Variants in FRMD3 observed in about 807,000 individuals in gnomAD.
The protein encoded by FRMD3 is FERM domain containing 3.
A neutral mutation model predicts 70.2 loss-of-function variants in FRMD3; 33 were observed. The observed-to-expected ratio is 0.47, with a 90% CI of 0.36 to 0.63. The LOEUF (loss-of-function observed/expected upper bound fraction) is 0.63. Ranked by LOEUF, FRMD3 falls within the 20% of genes least tolerant of loss-of-function variation. FRMD3 has a pLI of 0.00. For synonymous variants in FRMD3, 279 were observed against 255.9 expected (o/e 1.09, Z -0.86); for missense variants, 632 against 711.4 (o/e 0.89, Z 1.27).
intron 6 of FRMD3, among the ~76,000 whole-genome samples, chr9:83,323,535 T>C (rs1168471578): frequency 1.3e-5 from 2 of 152,220 alleles, no homozygotes; most frequent in Admixed American, 6.5e-5. Context: ...TATATTCAGT[T>C]TGCCGTGCTC....
chr9:83,560,230 G>A, the FRMD3 span, among the ~76,000 whole-genome samples: 5 of 152,192 alleles, frequency 3.3e-5, no homozygotes, highest in African/African-American at 1.2e-4. Context: ...TCCCTGCCCT[G>A]TTGATGTTGG....
chr9:83,354,860 G>T (rs1031490060), intron 3 of FRMD3, among the ~76,000 whole-genome samples: 1 of 152,176 alleles, frequency 6.6e-6, no homozygotes. Flanking sequence ...AACCCATGAA[G>T]TACGTGCAAT....
In FRMD3 at chr9:83,372,903, T is replaced by C. The variant is rs746829894; in HGVS notation, c.295+10A>G. 1 of 1,608,940 alleles carries C rather than the reference T, an allele frequency of 6.2e-7. No individual in the cohort carries two copies. Among genetic ancestry groups the C allele is most frequent in the South Asian group, 1.1e-5 (1 of 90,966 alleles). ...TTGTAGCAAAAGTAAAGTCACAGAT[T>C]GACACTTACTTTTCATTTGCTTGAA... is the stretch of plus-strand genomic sequence containing the variant. On this transcript the variant is annotated intron_variant, in intron 3 of 13. Coordinates refer to ENST00000304195, the MANE Select transcript of FRMD3 (RefSeq NM_174938.6).
intron 13 of FRMD3, chr9:83,267,301 T>C (rs1420819145): frequency 1.2e-5 from 17 of 1,449,098 alleles, no homozygotes; most frequent in African/African-American, 2.8e-5. Context: ...GGGATCAGCA[T>C]TGGGAGGGGA....
At chr9:83,335,216 T>C (rs1435750185) in intron 6 of FRMD3, among the ~76,000 whole-genome samples, 1 of 152,232 alleles carries the variant, frequency 6.6e-6, no homozygotes, top group Non-Finnish European at 1.5e-5. Flanking sequence ...TTATTTACCT[T>C]AGATTCCACT....
chr9:83,412,840 CA>C (rs1410626718), intron 1 of FRMD3, among the ~76,000 whole-genome samples: 3 of 151,766 alleles, frequency 2.0e-5, no homozygotes, highest in Non-Finnish European at 4.4e-5. Context: ...ACCAAAAATA[CA>C]AAAATTAGCC....
chr9:83,313,861 C>T, intron 6 of FRMD3, 114 bp from the exon 7 acceptor site: 1 of 755,592 alleles, frequency 1.3e-6, no homozygotes, highest in Non-Finnish European at 2.3e-6. Context: ...AAAACCCTTA[C>T]ATAAATAGTA....
intron 1 of FRMD3, among the ~76,000 whole-genome samples, chr9:83,522,365 A>G (rs1448238062): frequency 6.6e-6 from 1 of 152,034 alleles, no homozygotes; most frequent in African/African-American, 2.4e-5. Context: ...GGAGGCCAGA[A>G]CAGGGGCGTA....
chr9:83,323,811 A>G (rs1313876898), intron 6 of FRMD3, among the ~76,000 whole-genome samples: 1 of 152,256 alleles, frequency 6.6e-6, no homozygotes, highest in East Asian at 1.9e-4. Context: ...AGCAAAACTA[A>G]TGTGTTAAAA....
intron 1 of FRMD3, among the ~76,000 whole-genome samples, chr9:83,497,337 G>A (rs914391018): frequency 3.3e-5 from 5 of 152,174 alleles, no homozygotes; most frequent in Admixed American, 6.5e-5. Flanking sequence ...ACCACCAAAC[G>A]TTCAAAATGA....
At chr9:83,476,381 CTCAAAA>C (rs1564095126) in intron 1 of FRMD3, among the ~76,000 whole-genome samples, 4 of 109,250 alleles carry the variant, frequency 3.7e-5, no homozygotes, top group Non-Finnish European at 6.0e-5. Flanking sequence ...AAGACTCTCT[CTCAAAA>C]AAAAAAAAAA....
intron 13 of FRMD3, among the ~76,000 whole-genome samples, chr9:83,286,472 C>A (rs1362771846): frequency 1.3e-5 from 2 of 152,170 alleles, no homozygotes; most frequent in South Asian, 2.1e-4. Flanking sequence ...GCTGAGATTA[C>A]AGGCATATGC....
intron 1 of FRMD3, among the ~76,000 whole-genome samples, chr9:83,527,299 C>T (rs1419922594): frequency 6.6e-6 from 1 of 152,198 alleles, no homozygotes. Flanking sequence ...AAAACAATCT[C>T]TCGATTTGGT....
intron 1 of FRMD3, among the ~76,000 whole-genome samples, chr9:83,494,593 T>C (rs2131502455): frequency 6.6e-6 from 1 of 152,342 alleles, no homozygotes; most frequent in Non-Finnish European, 1.5e-5. Flanking sequence ...CATGTTCCTT[T>C]TAGAATGTTT....
At chr9:83,361,967 C>T (rs1824599950) in intron 3 of FRMD3, among the ~76,000 whole-genome samples, 1 of 152,230 alleles carries the variant, frequency 6.6e-6, no homozygotes, top group Non-Finnish European at 1.5e-5. Context: ...TGGTTTCAGA[C>T]TTCTGGCCTC....
intron 1 of FRMD3, among the ~76,000 whole-genome samples, chr9:83,439,178 TA>T (rs1385922900): frequency 6.6e-6 from 1 of 152,234 alleles, no homozygotes; most frequent in Non-Finnish European, 1.5e-5. Context: ...TGAACATGGT[TA>T]AATATTGTTT....
At chr9:83,346,576 A>C in intron 4 of FRMD3, among the ~76,000 whole-genome samples, 1 of 152,166 alleles carries the variant, frequency 6.6e-6, no homozygotes, top group East Asian at 1.9e-4. Flanking sequence ...TTGGGTGCAA[A>C]ATTTCCTACT....
intron 13 of FRMD3, among the ~76,000 whole-genome samples, chr9:83,259,464 T>C (rs530836706): frequency 4.3e-4 from 66 of 152,272 alleles, no homozygotes; most frequent in Middle Eastern, 6.8e-3. Context: ...ATGCCCATTT[T>C]CCCCTTATTC....
downstream of FRMD3, chr9:83,243,263 A>G (rs1831942067): frequency 6.5e-7 from 1 of 1,541,842 alleles, no homozygotes; most frequent in East Asian, 2.4e-5. Flanking sequence ...AGGGAGAGAG[A>G]AAAGAAGCAG....
Sources: allele counts gnomAD v4.1 joint callset (sites outside exome capture counted in the v4.1 genomes callset), GRCh38; gene constraint gnomAD v4.1.1; transcripts MANE v1.5; gene names NCBI Gene and HGNC (gene_info 2026-07-23, HGNC 2026-07-21).